The following KDM4C variants were observed in gnomAD, a reference collection of about 807,000 sequenced individuals.
KDM4C encodes lysine demethylase 4C, also known as lysine-specific demethylase 4C.
KDM4C carries 81 observed loss-of-function variants against 129.3 expected under a neutral mutation model. The ratio of observed to expected loss-of-function variants is 0.63; its 90% CI spans 0.52 to 0.75. KDM4C has a LOEUF of 0.75. Ranked by LOEUF, KDM4C falls within the 30% of genes least tolerant of loss-of-function variation. KDM4C has a pLI of 0.00. For synonymous variants in KDM4C, 573 were observed against 456.1 expected, an observed-to-expected ratio of 1.26 and a Z score of -3.26; for missense variants, 1,457 against 1,304.0, an observed-to-expected ratio of 1.12 and a Z score of -1.81.
At chr9:7,073,155 T>C (rs1306746019) in intron 17 of KDM4C, among the ~76,000 whole-genome samples, 3 of 152,306 alleles carry the variant, frequency 2.0e-5, no homozygotes, top group East Asian at 3.9e-4. Flanking sequence ...GGAATCTTCT[T>C]CTTAGAATGC....
chr9:6,882,014 A>G (rs1844529072), intron 6 of KDM4C, among the ~76,000 whole-genome samples: 1 of 152,212 alleles, frequency 6.6e-6, no homozygotes, highest in African/African-American at 2.4e-5. Context: ...TTTATGCATG[A>G]ATGCTTTCAT....
At chr9:6,940,126 C>T (rs1266336467) in intron 8 of KDM4C, among the ~76,000 whole-genome samples, 2 of 151,808 alleles carry the variant, frequency 1.3e-5, no homozygotes, top group Non-Finnish European at 2.9e-5. Flanking sequence ...GGGTCCCACT[C>T]TGTCACCCAG....
intron 19 of KDM4C, among the ~76,000 whole-genome samples, chr9:7,161,421 T>C (rs1843778603): frequency 6.6e-6 from 1 of 152,196 alleles, no homozygotes; most frequent in Admixed American, 6.5e-5. Flanking sequence ...TCAATCACGC[T>C]GAGAGCTGCA....
intron 12 of KDM4C, among the ~76,000 whole-genome samples, chr9:6,995,909 C>A (rs1185481900): frequency 1.3e-5 from 2 of 152,016 alleles, no homozygotes; most frequent in Non-Finnish European, 2.9e-5. Context: ...ACCTCGTGAT[C>A]TGCCCACCTC....
chr9:7,157,271 T>C (rs1488723865), intron 19 of KDM4C, among the ~76,000 whole-genome samples: 3 of 152,234 alleles, frequency 2.0e-5, no homozygotes, highest in Non-Finnish European at 4.4e-5. Flanking sequence ...GATAGGTTTT[T>C]CTAAATATAC....
chr9:6,762,779 C>T (rs1232115524), intron 1 of KDM4C, among the ~76,000 whole-genome samples: 10 of 151,558 alleles, frequency 6.6e-5, no homozygotes, highest in Non-Finnish European at 1.2e-4. Context: ...CTGCCTTAGC[C>T]TCCCAAGTAG....
rs1213355475 is a variant in KDM4C at position 6,830,810 on chromosome 9, C to T, written c.435+16065C>T. ...GAAACTCAGTAGCACCAGCCCTCTGCCATGTGTTATGAGAGTGTGTTAAAT... is the reference window on the plus strand; with the variant it reads ...GAAACTCAGTAGCACCAGCCCTCTGTCATGTGTTATGAGAGTGTGTTAAAT... On this transcript the variant is annotated intron_variant, in intron 4 of 21. Transcript: ENST00000381309. 2.6e-5 allele frequency among the ~76,000 whole-genome samples: 4 copies of T among 152,234 alleles called. No homozygotes were observed. In the East Asian group the frequency reaches 5.8e-4, roughly 22 times the overall value.
chr9:6,744,158 A>C (rs1228574433), intron 1 of KDM4C, among the ~76,000 whole-genome samples: 1 of 152,134 alleles, frequency 6.6e-6, no homozygotes, highest in African/African-American at 2.4e-5. Flanking sequence ...CTCAATAGCA[A>C]CAGCGTTTGG....
chr9:6,798,644 C>CCT (rs1554689971), intron 2 of KDM4C, among the ~76,000 whole-genome samples: 6 of 152,058 alleles, frequency 3.9e-5, no homozygotes, highest in Non-Finnish European at 1.5e-5. Context: ...TACTTCTTTC[C>CCT]ACACAGACAC....
intron 17 of KDM4C, among the ~76,000 whole-genome samples, chr9:7,101,116 C>A (rs750764143): frequency 6.6e-6 from 1 of 152,164 alleles, no homozygotes; most frequent in Non-Finnish European, 1.5e-5. Context: ...CTTTGCTTTT[C>A]TTAAAGCTTT....
chr9:6,821,409 C>T (rs1833009212), intron 4 of KDM4C, among the ~76,000 whole-genome samples: 1 of 152,152 alleles, frequency 6.6e-6, no homozygotes, highest in South Asian at 2.1e-4. Flanking sequence ...TAATGATCAC[C>T]ATTCTAACTG....
chr9:6,930,518 T>C (rs1164496270), intron 8 of KDM4C, among the ~76,000 whole-genome samples: 1 of 141,182 alleles, frequency 7.1e-6, no homozygotes, highest in African/African-American at 2.6e-5. Context: ...AATATGTACA[T>C]ATATAATATG....
chr9:7,175,496 AAT>A lies in KDM4C; in HGVS notation c.*772_*773del, dbSNP rs1245491434. On this transcript the variant is annotated 3_prime_UTR_variant, in exon 22 of 22. Transcript: ENST00000381309. The stretch of plus-strand genomic sequence containing the variant: ...ACATATTCCGAGTAGATATTTATAA[AAT>A]ATATGTTTCTTTCATTATGTGTTTG... 6.6e-6 allele frequency: 1 copy of A among 152,580 alleles called. No homozygotes were observed. Among genetic ancestry groups the A allele is most frequent in the Non-Finnish European group, 1.5e-5 (1 of 68,040 alleles). 9.5% of individuals were successfully genotyped at this position (152,580 alleles called of 1,614,324 possible). A position where few individuals can be genotyped will look rare whatever the true frequency, so the allele number is the denominator to read the frequency against.
chr9:6,746,892 G>A (rs893193033), intron 1 of KDM4C, among the ~76,000 whole-genome samples: 2 of 149,102 alleles, frequency 1.3e-5, no homozygotes, highest in African/African-American at 4.9e-5. Flanking sequence ...TGTAGTCCCA[G>A]CTACTCGGGA....
chr9:6,869,045 T>C (rs559198292), intron 5 of KDM4C, among the ~76,000 whole-genome samples: 5 of 152,336 alleles, frequency 3.3e-5, no homozygotes, highest in African/African-American at 4.8e-5. Flanking sequence ...TTACTAATTT[T>C]TCTGATCGCT....
At chr9:6,978,668 C>T (rs1176209254) in intron 8 of KDM4C, 1 of 139,636 alleles carries the variant, frequency 7.2e-6, no homozygotes, top group African/African-American at 2.5e-5. Flanking sequence ...TCTCAAAATC[C>T]TTGTCAGTCT....
chr9:6,967,429 A>G (rs563841157), intron 8 of KDM4C, among the ~76,000 whole-genome samples: 3 of 152,148 alleles, frequency 2.0e-5, no homozygotes, highest in African/African-American at 7.2e-5. Flanking sequence ...ACTAAAAAAA[A>G]AAAAAAAAAA....
chr9:6,937,139 A>C (rs1220803960), intron 8 of KDM4C, among the ~76,000 whole-genome samples: 3 of 152,204 alleles, frequency 2.0e-5, no homozygotes, highest in Admixed American at 6.5e-5. Flanking sequence ...GATAATTAAA[A>C]TTTTAATATT....
At chr9:6,820,957 A>G (rs4552963) in intron 4 of KDM4C, among the ~76,000 whole-genome samples, 85,610 of 150,000 alleles carry the variant, frequency 0.57, 25,016 homozygotes, top group African/African-American at 0.71. Flanking sequence ...ACCTATGAGT[A>G]AGAACATGCA....
Sources: gnomAD v4.1 joint callset for allele counts (sites outside exome capture counted in the v4.1 genomes callset) on GRCh38, gnomAD v4.1.1 for gene constraint, MANE v1.5 for transcripts, NCBI Gene and HGNC (gene_info 2026-07-23, HGNC 2026-07-21) for gene names.